ENPP2: variants seen among roughly 807,000 people sequenced by gnomAD.
ENPP2 encodes ectonucleotide pyrophosphatase/phosphodiesterase 2.
ENPP2 carries 51 observed loss-of-function variants against 120.2 expected under a neutral mutation model. That is an observed-to-expected ratio of 0.42 (90% CI 0.34 to 0.54). The LOEUF (loss-of-function observed/expected upper bound fraction) is 0.54. ENPP2 is among the 20% of genes least tolerant of loss of function. ENPP2 has a pLI of 0.04. For missense variants in ENPP2, 920 were observed against 1,066.5 expected, an observed-to-expected ratio of 0.86 and a Z score of 1.91; for synonymous variants, 365 against 366.4, an observed-to-expected ratio of 1.00 and a Z score of 0.04.
chr8:119,609,945 A>T (rs1482032357), intron 8 of ENPP2, among the ~76,000 whole-genome samples: 1 of 152,196 alleles, frequency 6.6e-6, no homozygotes, highest in Non-Finnish European at 1.5e-5. Context: ...TGATGTTGGC[A>T]TCATTAGGGC....
At chr8:119,600,887 G>A (rs1449730491) in intron 10 of ENPP2, 137 bp from the exon 11 acceptor site, 1 of 584,186 alleles carries the variant, frequency 1.7e-6, no homozygotes, top group Non-Finnish European at 3.0e-6. Context: ...ATGTTAGCAT[G>A]AAAAACTTTT....
intron 12 of ENPP2, among the ~76,000 whole-genome samples, chr8:119,590,995 TAAAAAAAAA>T (rs58061193): frequency 9.1e-6 from 1 of 109,962 alleles, no homozygotes; most frequent in African/African-American, 3.6e-5. Flanking sequence ...ATCTATTCTT[TAAAAAAAAA>T]AAAAAAAAAA....
intron 1 of ENPP2, among the ~76,000 whole-genome samples, chr8:119,652,688 A>G (rs942107855): frequency 2.0e-5 from 3 of 152,190 alleles, no homozygotes; most frequent in African/African-American, 7.2e-5. Flanking sequence ...GAGGTGACAC[A>G]GATGGTAGCC....
intron 13 of ENPP2, among the ~76,000 whole-genome samples, chr8:119,590,109 T>C (rs1813395315): frequency 6.6e-6 from 1 of 152,198 alleles, no homozygotes. Flanking sequence ...ATAGACCCTC[T>C]AGTTTCATCT....
chr8:119,587,743 A>G (rs1813214430), intron 13 of ENPP2, among the ~76,000 whole-genome samples: 1 of 152,224 alleles, frequency 6.6e-6, no homozygotes, highest in Non-Finnish European at 1.5e-5. Flanking sequence ...GGACAGGATT[A>G]TATTATCTGA....
At chr8:119,623,703 G>A (rs1816071610) in intron 3 of ENPP2, among the ~76,000 whole-genome samples, 1 of 151,922 alleles carries the variant, frequency 6.6e-6, no homozygotes, top group African/African-American at 2.4e-5. Context: ...TCAGCTCACT[G>A]CAACCTCTAC....
intron 1 of ENPP2, among the ~76,000 whole-genome samples, chr8:119,646,326 G>A (rs922918161): frequency 9.2e-5 from 14 of 152,118 alleles, no homozygotes; most frequent in Middle Eastern, 3.2e-3. Flanking sequence ...AGTTCTCAAA[G>A]TATGGTCCCT....
Position 119,617,567 on chromosome 8 carries a change from A to C in ENPP2, c.480-4T>G, listed in dbSNP as rs148588719. 1.3e-3 allele frequency: 2,013 copies of C among 1,593,954 alleles called. 48 individuals are homozygous for C. In the East Asian group the frequency reaches 0.042, roughly 33 times the overall value. ...GATTAATGGAGGGCGAACAAACCTT[A>C]AACAGTAACACATTAAGCTTTTAGA... On this transcript the variant is annotated splice_polypyrimidine_tract_variant and splice_region_variant and intron_variant, in intron 5 of 24. Transcript: ENST00000075322.
chr8:119,645,830 A>C (rs866767124), intron 1 of ENPP2, among the ~76,000 whole-genome samples: 1 of 151,808 alleles, frequency 6.6e-6, no homozygotes, highest in Non-Finnish European at 1.5e-5. Context: ...AAAAAAAAAA[A>C]AGGTCTTTTC....
chr8:119,560,089 C>G (rs538855095), intron 24 of ENPP2, among the ~76,000 whole-genome samples: 2 of 152,266 alleles, frequency 1.3e-5, no homozygotes, highest in South Asian at 2.1e-4. Flanking sequence ...ATTTTTAAAA[C>G]TCCCCATCAC....
intron 13 of ENPP2, among the ~76,000 whole-genome samples, chr8:119,589,065 AGTGTAT>A (rs1392335036): frequency 6.6e-6 from 1 of 152,206 alleles, no homozygotes; most frequent in African/African-American, 2.4e-5. Flanking sequence ...ATTAAATAAG[AGTGTAT>A]GTGTATGTGT....
At chr8:119,575,614 C>T (rs1812281288) in intron 19 of ENPP2, among the ~76,000 whole-genome samples, 3 of 152,098 alleles carry the variant, frequency 2.0e-5, no homozygotes, top group Non-Finnish European at 2.9e-5. Context: ...TATAAAACTG[C>T]GTTCAAATCT....
chr8:119,589,310 C>T (rs573453845), intron 13 of ENPP2, among the ~76,000 whole-genome samples: 2 of 152,294 alleles, frequency 1.3e-5, no homozygotes, highest in East Asian at 3.9e-4. Context: ...TGCCTGTCAC[C>T]ACCCCATGCT....
rs1813097905 is a variant in ENPP2, at chr8:119,586,194, A to G, written c.1359T>C (p.His453=). ...DIHLLVERRW[H]VARKPLDVYK... Reference sequence around the variant, plus strand: ...GCCCATATACCAGTTACCTTGCAACATGCCATCTGCGTTCCACCAATAAAT... The same window carrying G: ...GCCCATATACCAGTTACCTTGCAACGTGCCATCTGCGTTCCACCAATAAAT... The change falls in exon 15 of 25, where the codon CAT becomes CAC. Residue 453 remains histidine, a synonymous_variant. Coordinates refer to ENST00000075322, the MANE Select transcript of ENPP2 (RefSeq NM_001040092.3). 4 of 1,613,974 alleles carry G rather than the reference A, an allele frequency of 2.5e-6. No homozygotes were observed. Among genetic ancestry groups the G allele is most frequent in the South Asian group, 1.1e-5 (1 of 91,050 alleles).
At chr8:119,659,851 A>T (rs1315254980) in intron 1 of ENPP2, among the ~76,000 whole-genome samples, 1 of 152,182 alleles carries the variant, frequency 6.6e-6, no homozygotes, top group Non-Finnish European at 1.5e-5. Context: ...GGCAGCCCTG[A>T]CTACATTTTT....
chr8:119,592,277 G>A (rs137937416), intron 12 of ENPP2, among the ~76,000 whole-genome samples: 12 of 151,936 alleles, frequency 7.9e-5, no homozygotes, highest in East Asian at 1.9e-4. Flanking sequence ...CTTCGAGACC[G>A]GCCTGGCCAA....
chr8:119,596,458 A>G (rs923777901), intron 11 of ENPP2, among the ~76,000 whole-genome samples: 1 of 152,222 alleles, frequency 6.6e-6, no homozygotes, highest in Non-Finnish European at 1.5e-5. Flanking sequence ...AGTGATTCCA[A>G]TTCAGAATCT....
At chr8:119,570,922 G>C in intron 19 of ENPP2, 81 bp from the exon 20 acceptor site, 1 of 916,208 alleles carries the variant, frequency 1.1e-6, no homozygotes, top group South Asian at 2.4e-5. Context: ...GAAGAGTCAA[G>C]TTACCTAAAA....
At chr8:119,617,376 C>T (rs1456567131) in intron 6 of ENPP2, 90 bp downstream of exon 6, 5 of 1,123,612 alleles carry the variant, frequency 4.4e-6, no homozygotes, top group Admixed American at 1.9e-5. Flanking sequence ...TTTAAAACTA[C>T]GTGCCCATAG....
Sources: gnomAD v4.1 joint callset for allele counts (sites outside exome capture counted in the v4.1 genomes callset) on GRCh38, gnomAD v4.1.1 for gene constraint, MANE v1.5 for transcripts, NCBI Gene and HGNC (gene_info 2026-07-23, HGNC 2026-07-21) for gene names.